The following CDH10 variants were observed in gnomAD, a reference collection of about 807,000 sequenced individuals.
CDH10 encodes cadherin 10, also known as cadherin-10.
A neutral mutation model predicts 73.1 loss-of-function variants in CDH10; 30 were observed. That is an observed-to-expected ratio of 0.41 (90% CI 0.31 to 0.56). The LOEUF is 0.56. Ranked by LOEUF, CDH10 falls within the 20% of genes least tolerant of loss-of-function variation. The pLI, the probability that CDH10 is intolerant of heterozygous loss-of-function variation, is 0.27. For synonymous variants in CDH10, 345 were observed against 348.2 expected (o/e 0.99, Z 0.10); for missense variants, 815 against 973.7 (o/e 0.84, Z 2.17).
intron 2 of CDH10, among the ~76,000 whole-genome samples, chr5:24,549,417 A>G (rs1744463510): frequency 6.6e-6 from 1 of 152,218 alleles, no homozygotes; most frequent in African/African-American, 2.4e-5. Context: ...TTATACTCAA[A>G]ATTTTAAATA....
intron 1 of CDH10, among the ~76,000 whole-genome samples, chr5:24,639,944 C>T (rs1251315556): frequency 6.6e-6 from 1 of 151,814 alleles, no homozygotes; most frequent in Non-Finnish European, 1.5e-5. Context: ...ACTTGGCTTG[C>T]TAGTGCAGTA....
chr5:24,616,658 A>G (rs1747140025), intron 1 of CDH10, among the ~76,000 whole-genome samples: 1 of 152,178 alleles, frequency 6.6e-6, no homozygotes, highest in Non-Finnish European at 1.5e-5. Context: ...AGGCAAAATA[A>G]AACTTATTCT....
At chr5:24,562,015 T>TTGTTA (rs1391975281) in intron 2 of CDH10, among the ~76,000 whole-genome samples, 1 of 4,644 alleles carries the variant, frequency 2.2e-4, no homozygotes, top group East Asian at 0.01. Flanking sequence ...AATAAATGGT[T>TTGTTA]TGTTGTTTCT....
At chr5:24,571,782 C>T (rs2112024321) in intron 2 of CDH10, among the ~76,000 whole-genome samples, 1 of 152,156 alleles carries the variant, frequency 6.6e-6, no homozygotes, top group South Asian at 2.1e-4. Flanking sequence ...GGAGTCCTGA[C>T]TCGTAGTGTT....
At chr5:24,587,689 T>G (rs2112077788) in intron 2 of CDH10, among the ~76,000 whole-genome samples, 1 of 151,912 alleles carries the variant, frequency 6.6e-6, no homozygotes, top group Admixed American at 6.6e-5. Flanking sequence ...CTATATATTT[T>G]AAAAATTCTG....
intron 1 of CDH10, among the ~76,000 whole-genome samples, chr5:24,640,979 G>T (rs1027344493): frequency 6.6e-6 from 1 of 151,924 alleles, no homozygotes; most frequent in Non-Finnish European, 1.5e-5. Context: ...AAACAGGTCA[G>T]ATTATTTCAA....
At chr5:24,553,028 T>C (rs1744605992) in intron 2 of CDH10, among the ~76,000 whole-genome samples, 1 of 152,188 alleles carries the variant, frequency 6.6e-6, no homozygotes, top group Admixed American at 6.5e-5. Context: ...TTCTTGGATT[T>C]TAATATGACA....
At chr5:24,624,371 C>G (rs1018116572) in intron 1 of CDH10, among the ~76,000 whole-genome samples, 3 of 151,970 alleles carry the variant, frequency 2.0e-5, no homozygotes, top group Admixed American at 2.0e-4. Context: ...TAATAATTAT[C>G]AAATATTCCT....
At chr5:24,536,482 A>G (rs1040534204) in intron 3 of CDH10, among the ~76,000 whole-genome samples, 1 of 152,088 alleles carries the variant, frequency 6.6e-6, no homozygotes, top group Admixed American at 6.6e-5. Context: ...AGTAAAAAAA[A>G]GCTTTAGATT....
chr5:24,495,068 C>G (rs960363131), intron 9 of CDH10, among the ~76,000 whole-genome samples: 3 of 151,976 alleles, frequency 2.0e-5, no homozygotes, highest in African/African-American at 7.3e-5. Flanking sequence ...AATCACAGTG[C>G]TTTTGTTTTG....
chr5:24,492,520 C>A (rs1742100335), intron 10 of CDH10, among the ~76,000 whole-genome samples: 1 of 152,102 alleles, frequency 6.6e-6, no homozygotes, highest in Non-Finnish European at 1.5e-5. Flanking sequence ...ATTTTTCTAC[C>A]CTATGTGTCC....
intron 2 of CDH10, among the ~76,000 whole-genome samples, chr5:24,564,388 C>T (rs763526959): frequency 3.3e-5 from 5 of 152,162 alleles, no homozygotes; most frequent in Non-Finnish European, 7.3e-5. Flanking sequence ...ACAGGGTCTA[C>T]ATGGTGTGTT....
chr5:24,594,559 C>T (rs1746307697), intron 1 of CDH10, among the ~76,000 whole-genome samples: 1 of 151,828 alleles, frequency 6.6e-6, no homozygotes, highest in Admixed American at 6.6e-5. Context: ...TCACTTTAAC[C>T]CTCCACCACA....
intron 1 of CDH10, among the ~76,000 whole-genome samples, chr5:24,618,181 T>C (rs1411897931): frequency 6.6e-6 from 1 of 152,176 alleles, no homozygotes; most frequent in Non-Finnish European, 1.5e-5. Context: ...ATTATTAGCA[T>C]AATTATGGAT....
chr5:24,632,021 A>C (rs1280323248), intron 1 of CDH10, among the ~76,000 whole-genome samples: 2 of 152,068 alleles, frequency 1.3e-5, no homozygotes, highest in Admixed American at 1.3e-4. Context: ...GCAGTTCAAA[A>C]ATGGTCCCAG....
chr5:24,617,384 G>C lies in CDH10; in HGVS notation c.-123-23771C>G, dbSNP rs970931222. On this transcript the variant is annotated intron_variant, in intron 1 of 11. Coordinates refer to ENST00000264463, the MANE Select transcript of CDH10 (RefSeq NM_006727.5). ...ATTTGTATTGAGATCAATAAGATAA[G>C]AACCAAAAGCAAACTTTAAACAAAA... Among the ~76,000 whole-genome samples the C allele has an allele frequency of 2.0e-5, 3 of 152,102 alleles. No individual in the cohort carries two copies. In the East Asian group the frequency reaches 5.8e-4, roughly 29 times the overall value.
rs896542045 is a variant in CDH10 at position 24,598,958 on chromosome 5, G to A, written c.-123-5345C>T. On this transcript the variant is annotated intron_variant, in intron 1 of 11. Transcript: ENST00000264463. ...AGATAAAACATATGGCAGGGATAAA[G>A]AGGATTGTTGAATGAGGCACATAAC... Among the ~76,000 whole-genome samples, 9 of 152,202 alleles carry A rather than the reference G, an allele frequency of 5.9e-5. 1 individual carries two copies. In the East Asian group the frequency reaches 1.7e-3, roughly 29 times the overall value.
At chr5:24,568,345 G>A (rs1745239620) in intron 2 of CDH10, among the ~76,000 whole-genome samples, 2 of 152,074 alleles carry the variant, frequency 1.3e-5, no homozygotes, top group Admixed American at 6.6e-5. Flanking sequence ...AAATGTAATA[G>A]ACATTTCTCC....
intron 2 of CDH10, among the ~76,000 whole-genome samples, chr5:24,548,922 T>C (rs1744443263): frequency 6.6e-6 from 1 of 151,930 alleles, no homozygotes; most frequent in African/African-American, 2.4e-5. Flanking sequence ...GGCTGAAAAA[T>C]AGCTATATTT....
Sources: gnomAD v4.1 joint callset for allele counts (sites outside exome capture counted in the v4.1 genomes callset) on GRCh38, gnomAD v4.1.1 for gene constraint, MANE v1.5 for transcripts, NCBI Gene and HGNC (gene_info 2026-07-23, HGNC 2026-07-21) for gene names.